RPS6KA2: variants seen among roughly 807,000 people sequenced by gnomAD.
RPS6KA2 encodes ribosomal protein S6 kinase alpha-2.
In RPS6KA2, 42 loss-of-function variants were observed where a neutral mutation model predicts 91.8. The observed-to-expected ratio is 0.46, with a 90% CI of 0.36 to 0.59. The LOEUF is 0.59. RPS6KA2 is among the 20% of genes least tolerant of loss of function. RPS6KA2 has a pLI of 0.00. For missense variants in RPS6KA2, 798 were observed against 978.5 expected, an observed-to-expected ratio of 0.82 and a Z score of 2.46; for synonymous variants, 414 against 393.6, an observed-to-expected ratio of 1.05 and a Z score of -0.61.
chr6:166,714,607 C>A (rs1268134960), intron 2 of RPS6KA2, among the ~76,000 whole-genome samples: 1 of 152,164 alleles, frequency 6.6e-6, no homozygotes, highest in East Asian at 1.9e-4. Context: ...AAGACAGCCA[C>A]CTGGAGACAG....
chr6:166,727,924 C>G (rs1162036288), intron 2 of RPS6KA2, among the ~76,000 whole-genome samples: 1 of 152,180 alleles, frequency 6.6e-6, no homozygotes, highest in Non-Finnish European at 1.5e-5. Context: ...CCCATGAATT[C>G]AACCAACTGA....
intron 2 of RPS6KA2, among the ~76,000 whole-genome samples, chr6:166,644,250 T>C (rs1416485003): frequency 6.6e-6 from 1 of 152,124 alleles, no homozygotes; most frequent in Admixed American, 6.5e-5. Context: ...CAACATGTAC[T>C]ATTCAAAAAC....
chr6:166,796,301 G>A (rs1159384471), intron 2 of RPS6KA2, among the ~76,000 whole-genome samples: 1 of 152,138 alleles, frequency 6.6e-6, no homozygotes, highest in Non-Finnish European at 1.5e-5. Flanking sequence ...CTAAAAATCT[G>A]GCTTGTCGGC....
In RPS6KA2 at chr6:166,806,797, TA is replaced by T. The variant is rs1032779198; in HGVS notation, c.123+51402del. 5.2e-4 allele frequency among the ~76,000 whole-genome samples: 77 copies of T among 149,514 alleles called. 1 individual carries two copies. The highest frequency in any genetic ancestry group is 1.7e-3 in the Admixed American group (25 of 15,044). On this transcript the variant is annotated intron_variant, in intron 2 of 21. Transcript: ENST00000503859. ...TGTTTTCTACAAGAGATTACTGCAT[TA>T]AAAAAAAAATTAGTTTATGTTTTTG...
At chr6:166,492,394 G>A (rs1781622837) in intron 8 of RPS6KA2, among the ~76,000 whole-genome samples, 1 of 152,208 alleles carries the variant, frequency 6.6e-6, no homozygotes, top group South Asian at 2.1e-4. Flanking sequence ...TGGCAGATGA[G>A]CTGTTTGTCT....
chr6:166,775,974 C>T (rs1468189879), intron 2 of RPS6KA2, among the ~76,000 whole-genome samples: 2 of 152,234 alleles, frequency 1.3e-5, no homozygotes, highest in African/African-American at 2.4e-5. Flanking sequence ...GAAGTGAGGG[C>T]GGGCATTGCT....
At chr6:166,488,268 C>T (rs751031409) in intron 10 of RPS6KA2, among the ~76,000 whole-genome samples, 11 of 151,704 alleles carry the variant, frequency 7.3e-5, no homozygotes, top group Non-Finnish European at 1.0e-4. Context: ...CTGTCTAAAC[C>T]GGAAACACCC....
At chr6:166,443,981 C>T (rs773578595) in intron 14 of RPS6KA2, among the ~76,000 whole-genome samples, 12 of 152,126 alleles carry the variant, frequency 7.9e-5, no homozygotes, top group Admixed American at 1.3e-4. Context: ...CACAATTCAA[C>T]CCCGTGTTGT....
chr6:166,647,557 G>A (rs1296533473), intron 2 of RPS6KA2, among the ~76,000 whole-genome samples: 1 of 152,130 alleles, frequency 6.6e-6, no homozygotes, highest in Non-Finnish European at 1.5e-5. Context: ...AGCTGACCAC[G>A]CAAGGTTCTA....
intron 2 of RPS6KA2, among the ~76,000 whole-genome samples, chr6:166,814,658 T>C (rs2037900): frequency 0.66 from 100,009 of 151,708 alleles, 33,594 homozygotes; most frequent in Non-Finnish European, 0.74. Context: ...TGCCTGAGCT[T>C]CGCCACCTGT....
chr6:166,748,501 C>A (rs1471549884), intron 2 of RPS6KA2, among the ~76,000 whole-genome samples: 3 of 151,546 alleles, frequency 2.0e-5, no homozygotes, highest in African/African-American at 7.3e-5. Context: ...GCAGAGGGGG[C>A]AGATCAGCCT....
intron 1 of RPS6KA2, among the ~76,000 whole-genome samples, chr6:166,625,326 C>G (rs1478564185): frequency 6.1e-5 from 3 of 49,156 alleles, no homozygotes; most frequent in East Asian, 8.5e-4. Context: ...TCCCACCACC[C>G]CCCCACCCCC....
intron 2 of RPS6KA2, among the ~76,000 whole-genome samples, chr6:166,531,813 T>C (rs1466396665): frequency 1.3e-5 from 2 of 152,230 alleles, no homozygotes; most frequent in Non-Finnish European, 2.9e-5. Flanking sequence ...CCTTTCTAAC[T>C]GGATCTTAAA....
intron 3 of RPS6KA2, among the ~76,000 whole-genome samples, chr6:166,529,680 T>C (rs1053715004): frequency 2.0e-5 from 3 of 152,244 alleles, no homozygotes; most frequent in East Asian, 1.9e-4. Flanking sequence ...CTAAGACTTT[T>C]GTGTACGTAA....
chr6:166,443,052 T>C (rs1779569085), intron 14 of RPS6KA2, among the ~76,000 whole-genome samples: 1 of 152,212 alleles, frequency 6.6e-6, no homozygotes, highest in Non-Finnish European at 1.5e-5. Flanking sequence ...ATATTTTGTA[T>C]TTGTATAATT....
At chr6:166,792,421 A>G (rs959107949) in intron 2 of RPS6KA2, among the ~76,000 whole-genome samples, 3 of 151,986 alleles carry the variant, frequency 2.0e-5, no homozygotes, top group Non-Finnish European at 4.4e-5. Flanking sequence ...ATTCTACCAG[A>G]GGTACAAAGA....
intron 1 of RPS6KA2, among the ~76,000 whole-genome samples, chr6:166,555,189 CA>C (rs1471394073): frequency 6.6e-6 from 1 of 152,166 alleles, no homozygotes; most frequent in Non-Finnish European, 1.5e-5. Context: ...TCATAAGTGA[CA>C]GGGGTGAGAA....
At chr6:166,552,040 T>A (rs2128501255) in intron 1 of RPS6KA2, among the ~76,000 whole-genome samples, 1 of 152,308 alleles carries the variant, frequency 6.6e-6, no homozygotes, top group East Asian at 1.9e-4. Context: ...CAGCACAGAC[T>A]GACAGGCTGA....
At chr6:166,549,659 G>GGT (rs1179856859) in intron 1 of RPS6KA2, among the ~76,000 whole-genome samples, 3 of 151,918 alleles carry the variant, frequency 2.0e-5, no homozygotes, top group Non-Finnish European at 4.4e-5. Context: ...GTGTTGGGGG[G>GGT]GTGTGTGTGT....
Sources: gnomAD v4.1 joint callset for allele counts (sites outside exome capture counted in the v4.1 genomes callset) on GRCh38, gnomAD v4.1.1 for gene constraint, MANE v1.5 for transcripts, NCBI Gene and HGNC (gene_info 2026-07-23, HGNC 2026-07-21) for gene names.